The following SCFD2 variants were observed in gnomAD, a reference collection of about 807,000 sequenced individuals.
SCFD2 encodes the protein sec1 family domain containing 2.
A neutral mutation model predicts 58.9 loss-of-function variants in SCFD2; 54 were observed. That is an observed-to-expected ratio of 0.92 (90% CI 0.74 to 1.15). The LOEUF is 1.15. Ranked by LOEUF, SCFD2 falls within the 50% of genes most tolerant of loss-of-function variation. The pLI is 0.00. For missense variants in SCFD2, 805 were observed against 836.6 expected (o/e 0.96, Z 0.47); for synonymous variants, 321 against 335.9 (o/e 0.96, Z 0.49).
intron 4 of SCFD2, among the ~76,000 whole-genome samples, chr4:53,151,857 C>A (rs761945495): frequency 1.3e-5 from 2 of 152,214 alleles, no homozygotes; most frequent in Non-Finnish European, 2.9e-5. Context: ...AATCTTCAAT[C>A]ACAAAGGAAG....
At chr4:52,890,400 C>CTATTTTGG (rs1229895246) in intron 7 of SCFD2, among the ~76,000 whole-genome samples, 1 of 152,118 alleles carries the variant, frequency 6.6e-6, no homozygotes, top group Non-Finnish European at 1.5e-5. Context: ...TTGGTGTTTG[C>CTATTTTGG]TATTTTGGTT....
At chr4:53,253,697 C>T (rs1730486567) in intron 4 of SCFD2, among the ~76,000 whole-genome samples, 1 of 131,934 alleles carries the variant, frequency 7.6e-6, no homozygotes, top group African/African-American at 2.9e-5. Flanking sequence ...AATGAGAACA[C>T]ATGGACACCA....
At chr4:53,234,056 G>T (rs1324927239) in intron 4 of SCFD2, among the ~76,000 whole-genome samples, 1 of 152,076 alleles carries the variant, frequency 6.6e-6, no homozygotes, top group Non-Finnish European at 1.5e-5. Flanking sequence ...AGAAAAGCAG[G>T]ACTCAGATAC....
At chr4:53,082,152 A>C (rs1724167239) in intron 5 of SCFD2, among the ~76,000 whole-genome samples, 2 of 152,180 alleles carry the variant, frequency 1.3e-5, no homozygotes, top group African/African-American at 4.8e-5. Flanking sequence ...ATTGCTATTA[A>C]CATTCATATA....
chr4:52,899,192 A>G (rs1328998094), intron 7 of SCFD2, among the ~76,000 whole-genome samples: 2 of 152,172 alleles, frequency 1.3e-5, no homozygotes, highest in African/African-American at 2.4e-5. Flanking sequence ...TCCTGTCATT[A>G]TGATGTTAGC....
intron 5 of SCFD2, among the ~76,000 whole-genome samples, chr4:53,001,011 C>T (rs1217791538): frequency 2.0e-5 from 3 of 152,220 alleles, no homozygotes; most frequent in Non-Finnish European, 2.9e-5. Flanking sequence ...TTAGAGTAAA[C>T]ACTATGACAC....
chr4:53,121,151 G>C (rs773447163), intron 5 of SCFD2, among the ~76,000 whole-genome samples: 1 of 152,094 alleles, frequency 6.6e-6, no homozygotes, highest in African/African-American at 2.4e-5. Flanking sequence ...CAGAACTGTC[G>C]CTCATTATAA....
At chr4:52,989,611 C>T (rs920905825) in intron 5 of SCFD2, among the ~76,000 whole-genome samples, 1 of 152,160 alleles carries the variant, frequency 6.6e-6, no homozygotes, top group African/African-American at 2.4e-5. Flanking sequence ...TCAGACAAAA[C>T]CTTTGCTCCC....
At chr4:52,975,370 A>G (rs1339117456) in intron 5 of SCFD2, among the ~76,000 whole-genome samples, 2 of 152,238 alleles carry the variant, frequency 1.3e-5, no homozygotes, top group Non-Finnish European at 2.9e-5. Context: ...GGATATGAAC[A>G]GACACTTCTC....
intron 6 of SCFD2, among the ~76,000 whole-genome samples, chr4:52,911,804 T>A (rs1036175028): frequency 1.3e-5 from 2 of 152,188 alleles, no homozygotes; most frequent in Non-Finnish European, 2.9e-5. Context: ...CTAGACTCAG[T>A]TCTGTGATGC....
chr4:53,255,001 C>A (rs1165235156), intron 4 of SCFD2, among the ~76,000 whole-genome samples: 4 of 150,076 alleles, frequency 2.7e-5, no homozygotes, highest in Non-Finnish European at 5.9e-5. Flanking sequence ...GCCTCCCCAG[C>A]AGCTGGGACT....
At chr4:53,180,318 A>G (rs1727503554) in intron 4 of SCFD2, among the ~76,000 whole-genome samples, 2 of 152,246 alleles carry the variant, frequency 1.3e-5, no homozygotes, top group African/African-American at 4.8e-5. Context: ...ACCACAGTGC[A>G]ATCAAACTAG....
chr4:53,029,557 A>G (rs1577670987), intron 5 of SCFD2, among the ~76,000 whole-genome samples: 1 of 152,370 alleles, frequency 6.6e-6, no homozygotes, highest in Middle Eastern at 3.4e-3. Context: ...ATTAAGCTAT[A>G]AACAACAACA....
intron 5 of SCFD2, among the ~76,000 whole-genome samples, chr4:53,096,496 G>C (rs1244289361): frequency 6.6e-6 from 1 of 152,160 alleles, no homozygotes; most frequent in Non-Finnish European, 1.5e-5. Context: ...TCATGTGTCT[G>C]TTGGCTGCAT....
chr4:53,232,200 A>G (rs930742928), intron 4 of SCFD2, among the ~76,000 whole-genome samples: 2 of 152,116 alleles, frequency 1.3e-5, no homozygotes, highest in African/African-American at 4.8e-5. Context: ...CAAAACAGCA[A>G]CCAAAACAAA....
chr4:52,928,200 G>T (rs1719906041), intron 5 of SCFD2, among the ~76,000 whole-genome samples: 1 of 152,088 alleles, frequency 6.6e-6, no homozygotes, highest in Non-Finnish European at 1.5e-5. Context: ...AGCCAGTGTG[G>T]TGGTGCATAC....
rs553390780 is a variant in SCFD2 at position 53,214,864 on chromosome 4, T to A, written c.1311+58962A>T. On this transcript the variant is annotated intron_variant, in intron 4 of 8. Coordinates refer to ENST00000401642, the MANE Select transcript of SCFD2 (RefSeq NM_152540.4). Reference sequence around the variant, plus strand: ...AGGAAGGGATCCAGTTTCAGCTCTCTACATATGGCTAGCCAGTTTTCCCAG... The same window carrying A: ...AGGAAGGGATCCAGTTTCAGCTCTCAACATATGGCTAGCCAGTTTTCCCAG... 2.8e-4 allele frequency among the ~76,000 whole-genome samples: 43 copies of A among 152,298 alleles called. 1 individual carries two copies. Among genetic ancestry groups the A allele is most frequent in the African/African-American group, 1.0e-3 (42 of 41,540 alleles).
chr4:53,191,434 T>C (rs913162590), intron 4 of SCFD2, among the ~76,000 whole-genome samples: 2 of 151,990 alleles, frequency 1.3e-5, no homozygotes, highest in African/African-American at 4.8e-5. Context: ...TGAGATAGAG[T>C]CTCACTCTAT....
chr4:53,019,182 C>T (rs776566830), intron 5 of SCFD2, among the ~76,000 whole-genome samples: 4 of 152,014 alleles, frequency 2.6e-5, no homozygotes, highest in Non-Finnish European at 4.4e-5. Context: ...GATTTATGCA[C>T]AAGGATGTTC....
Sources: gnomAD v4.1 joint callset for allele counts (sites outside exome capture counted in the v4.1 genomes callset) on GRCh38, gnomAD v4.1.1 for gene constraint, MANE v1.5 for transcripts, NCBI Gene and HGNC (gene_info 2026-07-23, HGNC 2026-07-21) for gene names.